CSMD1: variants seen among roughly 807,000 people sequenced by gnomAD.
The protein encoded by CSMD1 is CUB and sushi domain-containing protein 1.
A neutral mutation model predicts 417.5 loss-of-function variants in CSMD1; 213 were observed. That is an observed-to-expected ratio of 0.51 (90% CI 0.46 to 0.57). CSMD1 has a LOEUF of 0.57. Among genes scored for constraint, CSMD1 ranks in the 20% least tolerant of loss-of-function variants. The probability of loss-of-function intolerance (pLI) is 0.00; values close to 1 mark genes in which losing one functional copy is unlikely to be tolerated. For synonymous variants in CSMD1, 2,862 were observed against 1,736.8 expected (o/e 1.65, Z -16.11); for missense variants, 6,923 against 4,529.7 (o/e 1.53, Z -15.17).
At position 3,188,894 on chromosome 8, in the gene CSMD1, C is replaced by T; in HGVS notation, c.5516G>A (p.Gly1839Glu). The T allele has an allele frequency of 1.9e-6, 3 of 1,566,748 alleles. No homozygotes were observed. Among genetic ancestry groups the T allele is most frequent in the African/African-American group, 1.4e-5 (1 of 73,932 alleles). ...TGGACTTCAAGGACTCACCTGAATTCCCGAGCCCTCCGTAACTATGATCTT... is the reference window on the plus strand; with the variant it reads ...TGGACTTCAAGGACTCACCTGAATTTCCGAGCCCTCCGTAACTATGATCTT... The part of the protein sequence containing the change: ...IWKIIVTEGS[G>E]IQIQVISFAT... Residue 1839 changes from glycine (G) to glutamate (E), a missense_variant, in exon 35 of 70, where the codon GGA becomes GAA. Gly to Glu is a moderately conservative substitution (Grantham distance 98, BLOSUM62 -2). Coordinates refer to ENST00000635120, the MANE Select transcript of CSMD1 (RefSeq NM_033225.6).
At chr8:4,258,559 G>T (rs1460702505) in intron 3 of CSMD1, among the ~76,000 whole-genome samples, 2 of 151,172 alleles carry the variant, frequency 1.3e-5, no homozygotes, top group Non-Finnish European at 3.0e-5. Flanking sequence ...TGGAGGGAGG[G>T]AGGGAGGGAA....
At chr8:4,281,310 G>C (rs1392079324) in intron 3 of CSMD1, among the ~76,000 whole-genome samples, 1 of 152,224 alleles carries the variant, frequency 6.6e-6, no homozygotes, top group Non-Finnish European at 1.5e-5. Context: ...AAACCTGATA[G>C]TAACTGCGAG....
At chr8:4,588,683 G>T (rs1380725416) in intron 2 of CSMD1, among the ~76,000 whole-genome samples, 1 of 151,802 alleles carries the variant, frequency 6.6e-6, no homozygotes, top group Non-Finnish European at 1.5e-5. Flanking sequence ...TACTCAAGAG[G>T]CTGAGGCACA....
chr8:4,236,035 G>GTTTTTTTTTTTTTTTTTTTTTTTTTT (rs869046913), intron 3 of CSMD1, among the ~76,000 whole-genome samples: 2 of 112,614 alleles, frequency 1.8e-5, no homozygotes, highest in African/African-American at 7.8e-5. Context: ...TGTTTTTTTT[G>GTTTTTTTTTTTTTTTTTTTTTTTTTT]TTTGTTTTTT....
intron 3 of CSMD1, among the ~76,000 whole-genome samples, chr8:4,149,276 A>G (rs777828330): frequency 8.5e-5 from 13 of 152,170 alleles, no homozygotes; most frequent in African/African-American, 1.2e-4. Context: ...TAATTTTCAT[A>G]TTCCTAAAAA....
At chr8:4,531,664 T>A (rs1018396562) in intron 2 of CSMD1, among the ~76,000 whole-genome samples, 7 of 152,160 alleles carry the variant, frequency 4.6e-5, no homozygotes, top group Admixed American at 6.5e-5. Context: ...TGTGTGCTTA[T>A]CTAGTTTGTC....
intron 12 of CSMD1, among the ~76,000 whole-genome samples, chr8:3,436,341 G>C (rs537273845): frequency 1.6e-4 from 25 of 152,292 alleles, no homozygotes; most frequent in Admixed American, 1.1e-3. Flanking sequence ...CCATGAGACA[G>C]GTTATATATT....
chr8:4,477,013 G>C (rs531709663), intron 2 of CSMD1, among the ~76,000 whole-genome samples: 2 of 152,314 alleles, frequency 1.3e-5, no homozygotes, highest in African/African-American at 4.8e-5. Flanking sequence ...AGGTGGCTGT[G>C]GTTACAGGGA....
intron 5 of CSMD1, among the ~76,000 whole-genome samples, chr8:3,828,266 G>C (rs1802169376): frequency 6.6e-6 from 1 of 152,110 alleles, no homozygotes; most frequent in Non-Finnish European, 1.5e-5. Flanking sequence ...TGTAAGATCT[G>C]ATGGCTCTTC....
intron 1 of CSMD1, among the ~76,000 whole-genome samples, chr8:4,658,696 T>C (rs1463190161): frequency 6.6e-6 from 1 of 152,186 alleles, no homozygotes; most frequent in Non-Finnish European, 1.5e-5. Flanking sequence ...AAAGTCATTA[T>C]ACTGGTAAAT....
At chr8:4,994,160 C>A (rs1405264831) in intron 1 of CSMD1, among the ~76,000 whole-genome samples, 172 bp downstream of exon 1, 2 of 151,990 alleles carry the variant, frequency 1.3e-5, no homozygotes, top group African/African-American at 2.4e-5. Flanking sequence ...CTGGGGAGAG[C>A]GCGATGGAAG....
chr8:4,180,735 G>A (rs149278230), intron 3 of CSMD1, among the ~76,000 whole-genome samples: 2 of 152,070 alleles, frequency 1.3e-5, no homozygotes, highest in Admixed American at 1.3e-4. Context: ...TGGAAACATG[G>A]CACTAACTGT....
chr8:3,054,958 T>A (rs1490055756), intron 49 of CSMD1, among the ~76,000 whole-genome samples: 1 of 152,200 alleles, frequency 6.6e-6, no homozygotes, highest in African/African-American at 2.4e-5. Flanking sequence ...TATCTCACAA[T>A]GTTCCAATAT....
chr8:4,420,569 T>C (rs761227806), intron 2 of CSMD1, among the ~76,000 whole-genome samples: 8 of 152,160 alleles, frequency 5.3e-5, no homozygotes, highest in Non-Finnish European at 1.2e-4. Flanking sequence ...GTAAAGCATG[T>C]GAATGTGTGT....
intron 2 of CSMD1, among the ~76,000 whole-genome samples, chr8:4,575,182 T>C (rs1215909084): frequency 6.6e-6 from 1 of 152,238 alleles, no homozygotes; most frequent in East Asian, 1.9e-4. Context: ...CTGTATCTTA[T>C]CACTTGACCT....
intron 2 of CSMD1, among the ~76,000 whole-genome samples, chr8:4,634,772 C>T (rs187279970): frequency 1.3e-5 from 2 of 152,182 alleles, no homozygotes. Context: ...CCCATCAACT[C>T]ATCCTGAATG....
At position 3,163,263 on chromosome 8, in the gene CSMD1, G is replaced by C. The variant is rs185512041; in HGVS notation, c.5726-986C>G. The stretch of plus-strand genomic sequence containing the variant: ...GAGAAAGGCTTCTCTTGGTAGGCCA[G>C]CTTCACATTCTTTATGGGGCCTTGG... On this transcript the variant is annotated intron_variant, in intron 37 of 69. Transcript: ENST00000635120. Among the ~76,000 whole-genome samples, 157 of 152,338 alleles carry C rather than the reference G, an allele frequency of 1.0e-3. 2 individuals are homozygous for C. The highest frequency in any genetic ancestry group is 3.7e-3 in the African/African-American group (153 of 41,588).
intron 3 of CSMD1, among the ~76,000 whole-genome samples, chr8:4,334,262 A>C (rs1470862455): frequency 6.6e-6 from 1 of 152,080 alleles, no homozygotes; most frequent in East Asian, 1.9e-4. Context: ...AGGTGCTTAA[A>C]AGTATGCCTT....
At chr8:4,065,596 G>A (rs1380720290) in intron 3 of CSMD1, among the ~76,000 whole-genome samples, 2 of 152,148 alleles carry the variant, frequency 1.3e-5, no homozygotes, top group African/African-American at 4.8e-5. Flanking sequence ...TTGCTCAAAT[G>A]CTATGTAAAG....
Sources: gnomAD v4.1 joint callset for allele counts (sites outside exome capture counted in the v4.1 genomes callset) on GRCh38, gnomAD v4.1.1 for gene constraint, MANE v1.5 for transcripts, NCBI Gene and HGNC (gene_info 2026-07-23, HGNC 2026-07-21) for gene names.